C6orf118: variants seen among roughly 807,000 people sequenced by gnomAD.
C6orf118 encodes chromosome 6 open reading frame 118.
A neutral mutation model predicts 50.2 loss-of-function variants in C6orf118; 50 were observed. That is an observed-to-expected ratio of 1.00 (90% confidence interval 0.79 to 1.26). The LOEUF (loss-of-function observed/expected upper bound fraction) is 1.26. Among genes scored for constraint, C6orf118 ranks in the 50% most tolerant of loss-of-function variants. The pLI is 0.00. For missense variants in C6orf118, 641 were observed against 578.7 expected, an observed-to-expected ratio of 1.11 and a Z score of -1.10; for synonymous variants, 239 against 230.9, an observed-to-expected ratio of 1.03 and a Z score of -0.32.
intron 7 of C6orf118, among the ~76,000 whole-genome samples, chr6:165,282,702 C>A (rs1235973523): frequency 1.4e-5 from 2 of 143,878 alleles, no homozygotes. Context: ...GAACCAGATA[C>A]CAATTACATA....
intron 1 of C6orf118, among the ~76,000 whole-genome samples, chr6:165,306,260 T>A (rs1583030074): frequency 1.9e-5 from 1 of 52,056 alleles, no homozygotes; most frequent in African/African-American, 7.6e-5. Context: ...CACTCATAGG[T>A]GGGAATTGAA....
Position 165,290,035 on chromosome 6 carries a change from G to T in C6orf118, c.1153C>A (p.Arg385=). 2 of 1,602,606 alleles carry T rather than the reference G, an allele frequency of 1.2e-6. No individual in the cohort carries two copies. The highest frequency in any genetic ancestry group is 2.2e-5 in the East Asian group (1 of 44,498). ...SSEKHIIDEN[R]LTLTEKVEKK... ...TCAACCTTCTCAGTAAGAGTAAGTC[G>T]GTTTTCATCAATTATATGTTTCTCA... The change falls in exon 7 of 9, where the codon CGA becomes AGA. Residue 385 remains arginine (R), a synonymous_variant. Transcript: ENST00000230301.
chr6:165,306,879 C>T (rs1452744643), intron 1 of C6orf118, among the ~76,000 whole-genome samples: 1 of 152,060 alleles, frequency 6.6e-6, no homozygotes, highest in Non-Finnish European at 1.5e-5. Context: ...CCCATCGTGG[C>T]AATAAATATT....
chr6:165,291,102 C>T (rs192425159), intron 6 of C6orf118, among the ~76,000 whole-genome samples: 155 of 152,180 alleles, frequency 1.0e-3, no homozygotes, highest in African/African-American at 3.5e-3. Flanking sequence ...CCACCAGGTC[C>T]CTCCCACAAC....
chr6:165,289,174 CAA>C (rs568080826), intron 7 of C6orf118, among the ~76,000 whole-genome samples: 3 of 131,360 alleles, frequency 2.3e-5, no homozygotes. Context: ...GTCCCCCCTC[CAA>C]AAAAAAAAAG....
At chr6:165,300,144 G>A (rs1197531043) in intron 3 of C6orf118, among the ~76,000 whole-genome samples, 2 of 152,124 alleles carry the variant, frequency 1.3e-5, no homozygotes, top group African/African-American at 4.8e-5. Context: ...GGGAAAATAT[G>A]GGTTTGAGGA....
rs1456165481 is a variant in C6orf118 at position 165,305,127 on chromosome 6, A to G, written c.26-2831T>C. ...ATGGTACTGGTACCAAAACAGAGATATAGATCAATGGAACAGAACAGAGCC... is the reference window on the plus strand; with the variant it reads ...ATGGTACTGGTACCAAAACAGAGATGTAGATCAATGGAACAGAACAGAGCC... On this transcript the variant is annotated intron_variant, in intron 1 of 8. Coordinates refer to ENST00000230301, the MANE Select transcript of C6orf118 (RefSeq NM_144980.4). 3.3e-5 allele frequency among the ~76,000 whole-genome samples: 2 copies of G among 61,520 alleles called. 1 individual carries two copies. The highest frequency in any genetic ancestry group is 5.5e-5 in the Non-Finnish European group (2 of 36,490). The allele number at this position is 61,520 out of a possible 152,430, so 40.4% of individuals were successfully genotyped here.
intron 6 of C6orf118, chr6:165,293,162 A>G (rs1780163510): frequency 2.2e-6 from 1 of 446,548 alleles, no homozygotes; most frequent in Non-Finnish European, 4.0e-6. Flanking sequence ...AATGCAATTA[A>G]TTCCTCATGA....
chr6:165,293,774 C>CA (rs749669845), intron 5 of C6orf118, among the ~76,000 whole-genome samples: 221 of 150,932 alleles, frequency 1.5e-3, no homozygotes, highest in African/African-American at 4.8e-3. Context: ...AGGAAGAAGG[C>CA]AAAAAAAATT....
intron 5 of C6orf118, among the ~76,000 whole-genome samples, chr6:165,297,411 A>G (rs1780348302): frequency 6.6e-6 from 1 of 151,768 alleles, no homozygotes; most frequent in South Asian, 2.1e-4. Context: ...TAAAAAAAAA[A>G]AAAAAAAAGA....
rs749489562 is a variant in C6orf118, at chr6:165,290,082, T to C, written c.1121-15A>G. On this transcript the variant is annotated splice_polypyrimidine_tract_variant and intron_variant, in intron 6 of 8. Coordinates refer to ENST00000230301, the MANE Select transcript of C6orf118 (RefSeq NM_144980.4). ...CTCAGATGATTCTGGAAATATTTTT[T>C]AAAACAAAGTATTACCATGTTTAAT... 2 of 1,504,558 alleles carry C rather than the reference T, an allele frequency of 1.3e-6. No individual in the cohort carries two copies. The highest frequency in any genetic ancestry group is 1.8e-6 in the Non-Finnish European group (2 of 1,099,950). The allele number at this position is 1,504,558 out of a possible 1,614,324, so 93.2% of individuals were successfully genotyped here. A position where few individuals can be genotyped will look rare whatever the true frequency, so the allele number is the denominator to read the frequency against.
At chr6:165,300,702 C>A (rs796434156) in intron 2 of C6orf118, among the ~76,000 whole-genome samples, 10 of 152,056 alleles carry the variant, frequency 6.6e-5, no homozygotes, top group African/African-American at 2.4e-4. Context: ...TTAAAAAAAT[C>A]TTTTCTTCTT....
intron 3 of C6orf118, among the ~76,000 whole-genome samples, 164 bp downstream of exon 3, chr6:165,300,200 G>A (rs542413485): frequency 2.6e-5 from 4 of 152,154 alleles, no homozygotes; most frequent in Admixed American, 1.3e-4. Context: ...TACAATTTAC[G>A]TGCCTGCAGG....
At chr6:165,293,561 T>A (rs548434602) in intron 5 of C6orf118, 90 bp from the exon 6 acceptor site, 121 of 1,007,830 alleles carry the variant, frequency 1.2e-4, no homozygotes, top group Non-Finnish European at 1.8e-4. Flanking sequence ...TCTCTTACAG[T>A]TGAGAAATTA....
chr6:165,298,799 G>A (rs1178558077), intron 4 of C6orf118, among the ~76,000 whole-genome samples: 1 of 152,170 alleles, frequency 6.6e-6, no homozygotes, highest in African/African-American at 2.4e-5. Context: ...AAGCAAACTA[G>A]AACTGATCTC....
intron 6 of C6orf118, among the ~76,000 whole-genome samples, chr6:165,292,936 T>C (rs1015394050): frequency 1.3e-5 from 2 of 152,126 alleles, no homozygotes; most frequent in Admixed American, 1.3e-4. Context: ...TACCAGACGC[T>C]GAGAAAAAGT....
At position 165,302,102 on chromosome 6, in the gene C6orf118, C is replaced by T; in HGVS notation, c.220G>A (p.Glu74Lys). The change falls in exon 2 of 9, where the codon GAG (glutamate) becomes AAG (lysine). Residue 74 changes from glutamate (E) to lysine (K), a missense_variant. Physicochemically the swap from Glu to Lys is moderately conservative, Grantham distance 56. Coordinates refer to ENST00000230301, the MANE Select transcript of C6orf118 (RefSeq NM_144980.4). ...LNPNKLYQPP[E>K]TILQHWPNAH... ...TTGGGCCAGTGCTGTAAGATCGTCT[C>T]CGGAGGCTGGTAGAGCTTGTTGGGG... is the stretch of plus-strand genomic sequence containing the variant. The T allele has an allele frequency of 1.9e-6, 3 of 1,613,906 alleles. No homozygotes were observed. The highest frequency in any genetic ancestry group is 2.2e-5 in the East Asian group (1 of 44,862).
At chr6:165,296,893 G>T (rs1469531071) in intron 5 of C6orf118, among the ~76,000 whole-genome samples, 5 of 152,150 alleles carry the variant, frequency 3.3e-5, no homozygotes, top group Admixed American at 1.3e-4. Flanking sequence ...GGCTATCTTG[G>T]TAGGAATAAA....
At chr6:165,300,331 T>A (rs1419361040) in intron 3 of C6orf118, 33 bp downstream of exon 3, 6 of 1,612,194 alleles carry the variant, frequency 3.7e-6, no homozygotes, top group African/African-American at 1.3e-5. Context: ...TGCAAGCTTC[T>A]CAACTGTTAT....
Sources: gnomAD v4.1 joint callset for allele counts (sites outside exome capture counted in the v4.1 genomes callset) on GRCh38, gnomAD v4.1.1 for gene constraint, MANE v1.5 for transcripts, NCBI Gene and HGNC (gene_info 2026-07-23, HGNC 2026-07-21) for gene names.